ARHGAP10: variants seen among roughly 807,000 people sequenced by gnomAD.
ARHGAP10 encodes rho GTPase-activating protein 10.
A neutral mutation model predicts 108.6 loss-of-function variants in ARHGAP10; 87 were observed. That is an observed-to-expected ratio of 0.80 (90% CI 0.67 to 0.96). ARHGAP10 has a LOEUF of 0.96. Ranked by LOEUF, ARHGAP10 falls within the 40% of genes least tolerant of loss-of-function variation. The pLI is 0.00. For missense variants in ARHGAP10, 939 were observed against 954.5 expected, an observed-to-expected ratio of 0.98 and a Z score of 0.21; for synonymous variants, 347 against 341.1, an observed-to-expected ratio of 1.02 and a Z score of -0.19.
chr4:147,855,885 GATAA>G (rs1045679932), intron 4 of ARHGAP10, among the ~76,000 whole-genome samples: 13 of 152,188 alleles, frequency 8.5e-5, no homozygotes, highest in Admixed American at 3.9e-4. Context: ...GGTGAAAAAA[GATAA>G]ATAAAAGAAG....
intron 19 of ARHGAP10, among the ~76,000 whole-genome samples, chr4:148,023,754 C>T (rs1157238038): frequency 6.6e-6 from 1 of 152,164 alleles, no homozygotes; most frequent in Non-Finnish European, 1.5e-5. Context: ...ATGAGAGGAG[C>T]GGATGGAGTC....
chr4:148,000,774 G>A (rs996190848), intron 18 of ARHGAP10, among the ~76,000 whole-genome samples: 1 of 152,284 alleles, frequency 6.6e-6, no homozygotes, highest in South Asian at 2.1e-4. Flanking sequence ...TGATGGGGTT[G>A]TTTGTTTTTT....
In ARHGAP10 at chr4:148,009,607, G is replaced by A. The variant is rs537886748; in HGVS notation, c.1717-13656G>A. Among the ~76,000 whole-genome samples the A allele has an allele frequency of 4.6e-4, 70 of 152,318 alleles. No homozygotes were observed. The South Asian group carries it at 0.014, about 31-fold the overall frequency. ...TGATGTTTCCCAGTCTGGAAGCCCT[G>A]TACTGAAAGAAATTAATTCACATGT... On this transcript the variant is annotated intron_variant, in intron 18 of 22. Transcript: ENST00000336498.
At chr4:148,058,813 G>A (rs1035805479) in intron 20 of ARHGAP10, among the ~76,000 whole-genome samples, 8 of 152,196 alleles carry the variant, frequency 5.3e-5, no homozygotes, top group Admixed American at 2.0e-4. Context: ...ACTGCTGCAC[G>A]TGAAAGCTAC....
chr4:147,942,756 G>C (rs571345305), intron 14 of ARHGAP10, among the ~76,000 whole-genome samples: 13 of 152,326 alleles, frequency 8.5e-5, no homozygotes, highest in African/African-American at 3.1e-4. Context: ...GCAGGCAGCT[G>C]CCTTCCTCCA....
At chr4:147,969,295 G>A (rs1318218453) in intron 18 of ARHGAP10, among the ~76,000 whole-genome samples, 2 of 131,886 alleles carry the variant, frequency 1.5e-5, no homozygotes, top group Non-Finnish European at 3.3e-5. Context: ...AAAGCAGCTT[G>A]TTTATGGATG....
intron 1 of ARHGAP10, among the ~76,000 whole-genome samples, chr4:147,757,045 A>C (rs1468821982): frequency 2.6e-5 from 4 of 152,060 alleles, no homozygotes; most frequent in Admixed American, 6.6e-5. Context: ...GAAATGAATG[A>C]TGCCAGAGGG....
At chr4:147,994,597 C>T (rs748579940) in intron 18 of ARHGAP10, among the ~76,000 whole-genome samples, 10 of 152,142 alleles carry the variant, frequency 6.6e-5, no homozygotes, top group Non-Finnish European at 1.5e-4. Context: ...AAATGTAGAT[C>T]GTAATCTCAA....
chr4:147,960,871 A>G (rs1184451014), intron 16 of ARHGAP10, among the ~76,000 whole-genome samples: 1 of 152,170 alleles, frequency 6.6e-6, no homozygotes, highest in Non-Finnish European at 1.5e-5. Flanking sequence ...ATTTTGTGAG[A>G]TTCATCTCTG....
At chr4:147,944,649 A>G (rs1460561874) in intron 14 of ARHGAP10, among the ~76,000 whole-genome samples, 1 of 152,216 alleles carries the variant, frequency 6.6e-6, no homozygotes, top group African/African-American at 2.4e-5. Context: ...TGCCTTCTCT[A>G]TGAAGACAAA....
chr4:147,830,359 C>T (rs1732899806), intron 3 of ARHGAP10, among the ~76,000 whole-genome samples: 1 of 152,154 alleles, frequency 6.6e-6, no homozygotes, highest in South Asian at 2.1e-4. Context: ...CTGTGCTTTA[C>T]TGCACCCCCT....
chr4:147,761,241 T>A (rs1729576814), intron 1 of ARHGAP10, among the ~76,000 whole-genome samples: 1 of 152,150 alleles, frequency 6.6e-6, no homozygotes, highest in Admixed American at 6.5e-5. Context: ...GGTCTTGAAC[T>A]CCTGGCCCCA....
chr4:147,800,239 T>TC (rs1731522851), intron 1 of ARHGAP10, among the ~76,000 whole-genome samples: 1 of 152,164 alleles, frequency 6.6e-6, no homozygotes, highest in Admixed American at 6.5e-5. Context: ...TGTGGCATAG[T>TC]CCCCCTTCCT....
chr4:148,057,584 G>C (rs1729418216), intron 20 of ARHGAP10, among the ~76,000 whole-genome samples: 2 of 152,234 alleles, frequency 1.3e-5, no homozygotes, highest in African/African-American at 2.4e-5. Flanking sequence ...TGCCTCACAT[G>C]AGCCTGGGTG....
intron 1 of ARHGAP10, among the ~76,000 whole-genome samples, chr4:147,742,447 A>G (rs1263636016): frequency 2.7e-5 from 4 of 145,764 alleles, no homozygotes; most frequent in African/African-American, 7.5e-5. Flanking sequence ...GGCTTTACCC[A>G]TAGTTACAGG....
chr4:147,912,562 TATATATATATATATATATATATATA>T (rs1736794659), intron 12 of ARHGAP10, among the ~76,000 whole-genome samples: 1 of 89,706 alleles, frequency 1.1e-5, no homozygotes, highest in African/African-American at 7.4e-5. Context: ...TATATATATA[TATATATATATATATATATATATATA>T]TATATATATA....
chr4:147,942,786 T>C (rs952959329), intron 14 of ARHGAP10, among the ~76,000 whole-genome samples: 1 of 152,246 alleles, frequency 6.6e-6, no homozygotes, highest in African/African-American at 2.4e-5. Context: ...GAGAGGGTAT[T>C]CTTAGTTGTC....
chr4:147,816,296 A>G (rs887481842), intron 1 of ARHGAP10, among the ~76,000 whole-genome samples: 10 of 152,200 alleles, frequency 6.6e-5, no homozygotes, highest in Non-Finnish European at 8.8e-5. Flanking sequence ...AGGATTCTTC[A>G]TAATTATTTG....
chr4:147,807,013 C>G (rs1216655117), intron 1 of ARHGAP10, among the ~76,000 whole-genome samples: 2 of 152,160 alleles, frequency 1.3e-5, no homozygotes, highest in Non-Finnish European at 2.9e-5. Flanking sequence ...ATTCATATGT[C>G]AAATTAAACC....
Sources: gnomAD v4.1 joint callset for allele counts (sites outside exome capture counted in the v4.1 genomes callset) on GRCh38, gnomAD v4.1.1 for gene constraint, MANE v1.5 for transcripts, NCBI Gene and HGNC (gene_info 2026-07-23, HGNC 2026-07-21) for gene names.